NRXN3: variants seen among roughly 807,000 people sequenced by gnomAD.
The protein encoded by NRXN3 is neurexin III.
Under a neutral mutation model 137.6 loss-of-function variants are expected in NRXN3, and 32 were observed. The observed-to-expected ratio is 0.23, with a 90% confidence interval of 0.18 to 0.31. The LOEUF is 0.31. NRXN3 is among the 10% of genes least tolerant of loss of function. The probability of loss-of-function intolerance (pLI) is 1.00; values close to 1 mark genes in which losing one functional copy is unlikely to be tolerated. For missense variants in NRXN3, 1,574 were observed against 2,062.5 expected (o/e 0.76, Z 4.59); for synonymous variants, 798 against 784.5 (o/e 1.02, Z -0.29).
chr14:78,863,088 A>G (rs1479432311), intron 10 of NRXN3, among the ~76,000 whole-genome samples: 1 of 152,154 alleles, frequency 6.6e-6, no homozygotes. Flanking sequence ...AAGATGCAGG[A>G]TGATGAAGTC....
At chr14:79,350,137 C>T (rs185146184) in intron 15 of NRXN3, among the ~76,000 whole-genome samples, 27 of 152,270 alleles carry the variant, frequency 1.8e-4, no homozygotes, top group East Asian at 1.7e-3. Context: ...TTTCATGGAA[C>T]GTCAGAATGT....
At chr14:79,472,954 A>G (rs987213968) in intron 16 of NRXN3, among the ~76,000 whole-genome samples, 1 of 152,220 alleles carries the variant, frequency 6.6e-6, no homozygotes. Context: ...AGTGTAAAAA[A>G]GACATCCTAT....
chr14:79,353,000 T>C (rs1400575869), intron 15 of NRXN3, among the ~76,000 whole-genome samples: 1 of 152,164 alleles, frequency 6.6e-6, no homozygotes, highest in Non-Finnish European at 1.5e-5. Flanking sequence ...ATGACATACC[T>C]TAAAAGGATT....
intron 10 of NRXN3, among the ~76,000 whole-genome samples, chr14:78,851,672 G>A (rs529472698): frequency 6.6e-6 from 1 of 152,144 alleles, no homozygotes; most frequent in Non-Finnish European, 1.5e-5. Context: ...GAATCAAGCT[G>A]GGGAGGCCAG....
intron 16 of NRXN3, among the ~76,000 whole-genome samples, chr14:79,469,164 A>T (rs1387236156): frequency 3.3e-5 from 5 of 152,210 alleles, no homozygotes; most frequent in African/African-American, 1.2e-4. Context: ...TGCCTAAGAA[A>T]AATATGATTT....
At chr14:78,530,486 A>C (rs2096445565) in intron 4 of NRXN3, among the ~76,000 whole-genome samples, 1 of 152,160 alleles carries the variant, frequency 6.6e-6, no homozygotes, top group African/African-American at 2.4e-5. Context: ...GGAGGATGGA[A>C]AAGGGTTGCC....
chr14:79,354,654 C>T (rs1182424355), intron 15 of NRXN3, among the ~76,000 whole-genome samples: 1 of 152,122 alleles, frequency 6.6e-6, no homozygotes, highest in Admixed American at 6.6e-5. Context: ...AATATCATTC[C>T]TATTACCATT....
intron 4 of NRXN3, among the ~76,000 whole-genome samples, chr14:78,344,914 T>C (rs2153585276): frequency 6.6e-6 from 1 of 152,214 alleles, no homozygotes; most frequent in East Asian, 1.9e-4. Context: ...CCTTTGAAAG[T>C]GTGAGAGCCA....
chr14:79,634,246 G>A (rs1567730741), intron 16 of NRXN3, among the ~76,000 whole-genome samples: 2 of 152,134 alleles, frequency 1.3e-5, no homozygotes, highest in South Asian at 2.1e-4. Context: ...TATCTATCCT[G>A]TGTTGTCTAA....
intron 16 of NRXN3, among the ~76,000 whole-genome samples, chr14:79,506,400 T>C (rs1040383223): frequency 2.0e-5 from 3 of 152,182 alleles, no homozygotes; most frequent in Non-Finnish European, 2.9e-5. Flanking sequence ...CTGGTTATTA[T>C]GCTAGTAAAA....
intron 15 of NRXN3, among the ~76,000 whole-genome samples, chr14:79,064,151 A>G (rs1297768863): frequency 2.0e-5 from 3 of 152,158 alleles, no homozygotes; most frequent in East Asian, 1.9e-4. Flanking sequence ...AGTGCTTTTC[A>G]TCTGTGAGCG....
intron 10 of NRXN3, among the ~76,000 whole-genome samples, chr14:78,954,763 C>G (rs1006074067): frequency 1.0e-4 from 15 of 143,222 alleles, no homozygotes; most frequent in African/African-American, 3.6e-4. Flanking sequence ...CTGCACCTGG[C>G]CTGGTTTTTT....
intron 4 of NRXN3, among the ~76,000 whole-genome samples, chr14:78,428,868 T>G (rs1283159207): frequency 1.3e-5 from 2 of 152,106 alleles, no homozygotes. Flanking sequence ...CCTACAAATT[T>G]AACTGTTAAT....
At chr14:78,267,516 A>T (rs1201776978) in intron 2 of NRXN3, among the ~76,000 whole-genome samples, 1 of 151,956 alleles carries the variant, frequency 6.6e-6, no homozygotes, top group Non-Finnish European at 1.5e-5. Flanking sequence ...ACAAAGTGAG[A>T]CCCCTCTCTG....
intron 4 of NRXN3, among the ~76,000 whole-genome samples, chr14:78,331,049 C>G (rs1293595630): frequency 6.6e-6 from 1 of 152,078 alleles, no homozygotes; most frequent in African/African-American, 2.4e-5. Context: ...AGGGTCAGGG[C>G]TCTAGTTCTT....
At chr14:79,600,043 C>A in intron 16 of NRXN3, among the ~76,000 whole-genome samples, 1 of 152,194 alleles carries the variant, frequency 6.6e-6, no homozygotes, top group South Asian at 2.1e-4. Context: ...ACTGAGGTGG[C>A]TATTACTAAT....
intron 15 of NRXN3, among the ~76,000 whole-genome samples, chr14:79,094,977 AGAGTGT>A (rs2050001444): frequency 2.0e-5 from 2 of 99,526 alleles, no homozygotes; most frequent in East Asian, 3.9e-4. Flanking sequence ...AGAGAGAGAG[AGAGTGT>A]GTGTGTGTGT....
chr14:79,553,596 A>G (rs1479071436), intron 16 of NRXN3, among the ~76,000 whole-genome samples: 1 of 152,128 alleles, frequency 6.6e-6, no homozygotes, highest in African/African-American at 2.4e-5. Context: ...TTTGACTGAC[A>G]TTTGAGAGTT....
chr14:78,623,436 A>T (rs543681441), intron 4 of NRXN3, among the ~76,000 whole-genome samples: 1 of 152,204 alleles, frequency 6.6e-6, no homozygotes, highest in Non-Finnish European at 1.5e-5. Flanking sequence ...TTTAGCTTCC[A>T]TCACTCCCTT....
Sources: gnomAD v4.1 joint callset for allele counts (sites outside exome capture counted in the v4.1 genomes callset) on GRCh38, gnomAD v4.1.1 for gene constraint, MANE v1.5 for transcripts, NCBI Gene and HGNC (gene_info 2026-07-23, HGNC 2026-07-21) for gene names.